CFLAR: variants seen among roughly 807,000 people sequenced by gnomAD.
The protein encoded by CFLAR is CASP8 and FADD like apoptosis regulator, also known as CASP8 and FADD-like apoptosis regulator.
CFLAR carries 14 observed loss-of-function variants against 51.1 expected under a neutral mutation model. That is an observed-to-expected ratio of 0.27 (90% CI 0.18 to 0.43). CFLAR has a LOEUF of 0.43. CFLAR is among the 20% of genes least tolerant of loss of function. CFLAR has a pLI of 1.00. For missense variants in CFLAR, 390 were observed against 566.5 expected, an observed-to-expected ratio of 0.69 and a Z score of 3.16; for synonymous variants, 210 against 211.6, an observed-to-expected ratio of 0.99 and a Z score of 0.06.
Position 201,167,894 on chromosome 2 carries a change from G to A in CFLAR, c.*3921G>A, listed in dbSNP as rs992523552. On this transcript the variant is annotated 3_prime_UTR_variant, in exon 10 of 10. Transcript: ENST00000309955. ...CTTTTATGTGAGGGGAAAAAAAATT[G>A]ACAGTTTATATTTATCTCAACCTAG... 2.6e-5 allele frequency: 4 copies of A among 152,182 alleles called. No homozygotes were observed. The highest frequency in any genetic ancestry group is 5.9e-5 in the Non-Finnish European group (4 of 68,026). 9.4% of individuals were successfully genotyped at this position (152,182 alleles called of 1,614,324 possible). A position where few individuals can be genotyped will look rare whatever the true frequency, so the allele number is the denominator to read the frequency against.
chr2:201,127,879 G>A (rs1023937100), intron 1 of CFLAR, among the ~76,000 whole-genome samples: 5 of 152,192 alleles, frequency 3.3e-5, no homozygotes, highest in Non-Finnish European at 7.3e-5. Context: ...GCAGTCATGG[G>A]TGTGATGGTT....
In CFLAR at chr2:201,169,716, G is replaced by T. The variant is rs1011681608; in HGVS notation, c.*5743G>T. 4.6e-5 allele frequency: 7 copies of T among 152,012 alleles called. No individual in the cohort carries two copies. The allele number at this position is 152,012 out of a possible 1,614,324, so 9.4% of individuals were successfully genotyped here. A position where few individuals can be genotyped will look rare whatever the true frequency, so the allele number is the denominator to read the frequency against. On this transcript the variant is annotated 3_prime_UTR_variant, in exon 10 of 10. Transcript: ENST00000309955. ...TTTGCAATCTATCCATCTGACAAAG[G>T]TCTAATATCCAGAACCTACAAGGAA... is the stretch of plus-strand genomic sequence containing the variant.
chr2:201,117,578 A>C (rs1452197300), intron 1 of CFLAR, among the ~76,000 whole-genome samples: 1 of 152,150 alleles, frequency 6.6e-6, no homozygotes, highest in Admixed American at 6.5e-5. Flanking sequence ...TTTGGACATC[A>C]ACAAACTGCG....
intron 5 of CFLAR, among the ~76,000 whole-genome samples, chr2:201,143,876 C>G (rs1041240851): frequency 1.3e-5 from 2 of 151,984 alleles, no homozygotes; most frequent in Non-Finnish European, 2.9e-5. Context: ...GCAGGAGAAT[C>G]ACTTGAACCC....
At chr2:201,145,975 T>C (rs1190567936) in intron 6 of CFLAR, among the ~76,000 whole-genome samples, 1 of 152,110 alleles carries the variant, frequency 6.6e-6, no homozygotes, top group Non-Finnish European at 1.5e-5. Flanking sequence ...ATTACTCTTT[T>C]TTTTTTTTGG....
chr2:201,168,321 A>G lies in CFLAR; in HGVS notation c.*4348A>G, dbSNP rs903195992. 6.6e-6 allele frequency: 1 copy of G among 152,258 alleles called. No individual in the cohort carries two copies. Among genetic ancestry groups the G allele is most frequent in the Non-Finnish European group, 1.5e-5 (1 of 68,048 alleles). The allele number at this position is 152,258 out of a possible 1,614,324, so 9.4% of individuals were successfully genotyped here. ...CCCTGGGATGCAAGGCTGGTTCAAC[A>G]TACGCAAATCAAGAAACATAATTCA... is the stretch of plus-strand genomic sequence containing the variant. On this transcript the variant is annotated 3_prime_UTR_variant, in exon 10 of 10. Coordinates refer to ENST00000309955, the MANE Select transcript of CFLAR (RefSeq NM_003879.7).
In CFLAR at chr2:201,173,676, T is replaced by C. The variant is rs759674387; in HGVS notation, c.*9703T>C. On this transcript the variant is annotated 3_prime_UTR_variant, in exon 10 of 10. Transcript: ENST00000309955. ...TTCTCATTTTAAAACTGCGTTATTT[T>C]ATTTTATTTTTCTGAGATGGAATCT... 3 of 151,830 alleles carry C rather than the reference T, an allele frequency of 2.0e-5. No homozygotes were observed. Among genetic ancestry groups the C allele is most frequent in the Non-Finnish European group, 2.9e-5 (2 of 67,936 alleles). The allele number at this position is 151,830 out of a possible 1,614,324, so 9.4% of individuals were successfully genotyped here. A position where few individuals can be genotyped will look rare whatever the true frequency, so the allele number is the denominator to read the frequency against.
Position 201,166,615 on chromosome 2 carries a change from C to A in CFLAR, c.*2642C>A, listed in dbSNP as rs1009642799. Reference sequence around the variant, plus strand: ...CGGCACCCTGGGGGGCCAAGGCAGGCGGCTGGGAGGCGGAGGCCGTAGCCA... The same window carrying A: ...CGGCACCCTGGGGGGCCAAGGCAGGAGGCTGGGAGGCGGAGGCCGTAGCCA... On this transcript the variant is annotated 3_prime_UTR_variant, in exon 10 of 10. Coordinates refer to ENST00000309955, the MANE Select transcript of CFLAR (RefSeq NM_003879.7). 5 of 179,018 alleles carry A rather than the reference C, an allele frequency of 2.8e-5. No homozygotes were observed. The highest frequency in any genetic ancestry group is 5.8e-5 in the Non-Finnish European group (5 of 86,074). 11.1% of individuals were successfully genotyped at this position (179,018 alleles called of 1,614,324 possible). A position where few individuals can be genotyped will look rare whatever the true frequency, so the allele number is the denominator to read the frequency against.
Position 201,176,287 on chromosome 2 carries a change from G to GTT in CFLAR, c.*12314_*12315insTT. 8.3e-6 allele frequency: 1 copy of GTT among 120,660 alleles called. No individual in the cohort carries two copies. Among genetic ancestry groups the GTT allele is most frequent in the South Asian group, 3.4e-4 (1 of 2,940 alleles). The allele number at this position is 120,660 out of a possible 1,614,324, so 7.5% of individuals were successfully genotyped here. A position where few individuals can be genotyped will look rare whatever the true frequency, so the allele number is the denominator to read the frequency against. On this transcript the variant is annotated 3_prime_UTR_variant, in exon 10 of 10. Coordinates refer to ENST00000309955, the MANE Select transcript of CFLAR (RefSeq NM_003879.7). The stretch of plus-strand genomic sequence containing the variant: ...CAGGTGTTTTCTATTGCGGGGGGGG[G>GTT]GGGCGGGCGGGGGAGCTGCCTGTCC...
intron 5 of CFLAR, chr2:201,141,368 C>CA: frequency 6.4e-7 from 1 of 1,555,470 alleles, no homozygotes; most frequent in South Asian, 1.2e-5. Context: ...TTTTTCTCTT[C>CA]TACAGATGAT....
Position 201,170,621 on chromosome 2 carries a change from T to C in CFLAR, c.*6648T>C, listed in dbSNP as rs1231508373. On this transcript the variant is annotated 3_prime_UTR_variant, in exon 10 of 10. Transcript: ENST00000309955. Reference sequence around the variant, plus strand: ...AAAATATAGAAAGGCACAATTTCTTTTTAAATCTGTTATTCTCCACCACCA... The same window carrying C: ...AAAATATAGAAAGGCACAATTTCTTCTTAAATCTGTTATTCTCCACCACCA... 2.0e-5 allele frequency: 3 copies of C among 152,248 alleles called. No individual in the cohort carries two copies. The highest frequency in any genetic ancestry group is 2.0e-4 in the Admixed American group (3 of 15,284). The allele number at this position is 152,248 out of a possible 1,614,324, so 9.4% of individuals were successfully genotyped here. A position where few individuals can be genotyped will look rare whatever the true frequency, so the allele number is the denominator to read the frequency against.
intron 4 of CFLAR, 200 bp from the exon 5 acceptor site, chr2:201,140,157 G>T: frequency 2.5e-6 from 1 of 397,022 alleles, no homozygotes; most frequent in Non-Finnish European, 4.3e-6. Context: ...GGCAGCGGCG[G>T]GGCGGGCCAG....
chr2:201,147,302 G>T (rs1940386172), intron 6 of CFLAR, among the ~76,000 whole-genome samples: 1 of 152,044 alleles, frequency 6.6e-6, no homozygotes, highest in Admixed American at 6.6e-5. Flanking sequence ...GTCGAGGTGG[G>T]TGCATCACCT....
intron 5 of CFLAR, chr2:201,141,263 C>A (rs1938779683): frequency 7.1e-7 from 1 of 1,401,704 alleles, no homozygotes; most frequent in Admixed American, 2.7e-5. Context: ...CCCTATAATA[C>A]TGACCTCCAA....
intron 1 of CFLAR, among the ~76,000 whole-genome samples, chr2:201,119,658 C>T (rs545407179): frequency 6.6e-6 from 1 of 152,282 alleles, no homozygotes; most frequent in South Asian, 2.1e-4. Context: ...CTTTCATATG[C>T]TCAGCGGCTG....
intron 8 of CFLAR, among the ~76,000 whole-genome samples, chr2:201,155,348 C>T (rs1941987251): frequency 6.6e-6 from 1 of 152,028 alleles, no homozygotes; most frequent in Non-Finnish European, 1.5e-5. Context: ...TCACTGCAAC[C>T]TCTGTCTCCC....
At position 201,163,530 on chromosome 2, in the gene CFLAR, T is replaced by C. The variant is rs1187956339; in HGVS notation, c.1305-305T>C. The C allele has an allele frequency of 2.0e-5, 24 of 1,174,744 alleles. No homozygotes were observed. In the East Asian group the frequency reaches 1.2e-3, roughly 57 times the overall value. The allele number at this position is 1,174,744 out of a possible 1,614,324, so 72.8% of individuals were successfully genotyped here. A position where few individuals can be genotyped will look rare whatever the true frequency, so the allele number is the denominator to read the frequency against. On this transcript the variant is annotated intron_variant, in intron 9 of 9. Transcript: ENST00000309955. ...CCACTCAGCCTTCCAAGATAGATAC[T>C]CCATGGGCCGGTGGTATTACTGGCC... is the stretch of plus-strand genomic sequence containing the variant.
At chr2:201,156,381 GCCCATCTT>G (rs1942184160) in intron 8 of CFLAR, among the ~76,000 whole-genome samples, 1 of 152,078 alleles carries the variant, frequency 6.6e-6, no homozygotes, top group Non-Finnish European at 1.5e-5. Flanking sequence ...AGAATGTTTT[GCCCATCTT>G]ATGTTTTACC....
intron 5 of CFLAR, chr2:201,141,702 AGT>A (rs55941675): frequency 0.91 from 979,311 of 1,074,876 alleles, 447,786 homozygotes; most frequent in Non-Finnish European, 0.92. Context: ...CATGAGCATA[AGT>A]GTATCATATA....
Sources: allele counts gnomAD v4.1 joint callset (sites outside exome capture counted in the v4.1 genomes callset), GRCh38; gene constraint gnomAD v4.1.1; transcripts MANE v1.5; gene names NCBI Gene and HGNC (gene_info 2026-07-23, HGNC 2026-07-21).